USP2: variants seen among roughly 807,000 people sequenced by gnomAD.
USP2 encodes ubiquitin specific peptidase 2.
In USP2, 33 loss-of-function variants were observed where a neutral mutation model predicts 72.0. The observed-to-expected ratio is 0.46, with a 90% confidence interval of 0.35 to 0.61. The LOEUF is 0.61. USP2 is among the 20% of genes least tolerant of loss of function. The pLI is 0.01. For missense variants in USP2, 691 were observed against 797.8 expected (o/e 0.87, Z 1.61); for synonymous variants, 296 against 312.5 (o/e 0.95, Z 0.56).
chr11:119,357,397 T>C, intron 11 of USP2, 86 bp downstream of exon 11: 1 of 1,547,018 alleles, frequency 6.5e-7, no homozygotes. Flanking sequence ...CAGTAGCTGG[T>C]GCTGGCAGCT....
At position 119,360,166 on chromosome 11, in the gene USP2, A is replaced by G. The variant is rs1436360317; in HGVS notation, c.825+18T>C. 3 of 1,612,584 alleles carry G rather than the reference A, an allele frequency of 1.9e-6. No individual in the cohort carries two copies. Among genetic ancestry groups the G allele is most frequent in the Non-Finnish European group, 2.5e-6 (3 of 1,179,712 alleles). On this transcript the variant is annotated intron_variant, in intron 3 of 12. Transcript: ENST00000260187. ...TAGGGGGTGGGCCTGGGGAAGAAGC[A>G]GGCCAGGAAAAACTCACCGTGTTCC...
intron 11 of USP2, 42 bp from the exon 12 acceptor site, chr11:119,357,349 C>T: frequency 6.8e-6 from 11 of 1,611,384 alleles, no homozygotes; most frequent in Non-Finnish European, 9.3e-6. Context: ...GCCCCCCTGC[C>T]CCGACTTCCC....
At chr11:119,362,442 G>A (rs1950778734) in intron 2 of USP2, among the ~76,000 whole-genome samples, 1 of 152,086 alleles carries the variant, frequency 6.6e-6, no homozygotes, top group Non-Finnish European at 1.5e-5. Context: ...TGATGCCTTT[G>A]TCTAAAATTT....
chr11:119,364,122 G>C, intron 2 of USP2: 1 of 1,223,340 alleles, frequency 8.2e-7, no homozygotes, highest in Non-Finnish European at 1.0e-6. Context: ...CAGCGTCCGC[G>C]GCGCCCGAAC....
At chr11:119,368,348 G>A (rs1950882147) in intron 2 of USP2, among the ~76,000 whole-genome samples, 1 of 152,244 alleles carries the variant, frequency 6.6e-6, no homozygotes, top group South Asian at 2.1e-4. Context: ...CAGGGATACA[G>A]GCCAGTGTGG....
chr11:119,364,888 A>G (rs1950830759), intron 2 of USP2, among the ~76,000 whole-genome samples: 1 of 152,142 alleles, frequency 6.6e-6, no homozygotes, highest in Non-Finnish European at 1.5e-5. Context: ...CTTCTAACCA[A>G]TTACCCAGCT....
In USP2 at chr11:119,373,260, T is replaced by C. The variant is rs1950958632; in HGVS notation, c.221A>G (p.Tyr74Cys). 6.2e-7 allele frequency: 1 copy of C among 1,613,838 alleles called. No individual in the cohort carries two copies. Among genetic ancestry groups the C allele is most frequent in the Non-Finnish European group, 8.5e-7 (1 of 1,179,858 alleles). Reference sequence around the variant, plus strand: ...TCTCAGCAGGGGGCGGCCCCGGTCATAGTCCAGGAGGGAGGAGGGGCCATA... The same window carrying C: ...TCTCAGCAGGGGGCGGCCCCGGTCACAGTCCAGGAGGGAGGAGGGGCCATA... Reference protein sequence around the residue: ...RTYGPSSLLDYDRGRPLLRPD... With the variant: ...RTYGPSSLLDCDRGRPLLRPD... Residue 74 changes from tyrosine (Y) to cysteine (C), a missense_variant, in exon 2 of 13, where the codon TAT (tyrosine) becomes TGT (cysteine). Transcript: ENST00000260187.
intron 2 of USP2, among the ~76,000 whole-genome samples, chr11:119,367,755 C>G (rs1196061509): frequency 6.6e-6 from 1 of 152,218 alleles, no homozygotes; most frequent in Non-Finnish European, 1.5e-5. Flanking sequence ...GTGTCTCCGT[C>G]TGGGGCGCTA....
chr11:119,376,086 A>G (rs1950997086), intron 1 of USP2: 12 of 723,956 alleles, frequency 1.7e-5, no homozygotes, highest in Non-Finnish European at 2.0e-5. Flanking sequence ...TACAGTTCCC[A>G]TGCCTGCGGA....
intron 12 of USP2, 47 bp from the exon 13 acceptor site, chr11:119,356,969 A>AC (rs772288513): frequency 3.3e-5 from 51 of 1,537,506 alleles, no homozygotes; most frequent in Non-Finnish European, 3.9e-5. Context: ...GGACCGGGAG[A>AC]CCCCCCGCCG....
At chr11:119,366,159 T>C (rs1950850173) in intron 2 of USP2, among the ~76,000 whole-genome samples, 1 of 152,160 alleles carries the variant, frequency 6.6e-6, no homozygotes, top group South Asian at 2.1e-4. Context: ...CCTCCCAAAG[T>C]GCTGGGATTA....
intron 1 of USP2, among the ~76,000 whole-genome samples, chr11:119,374,976 A>G (rs1950982205): frequency 6.6e-6 from 1 of 152,190 alleles, no homozygotes; most frequent in Non-Finnish European, 1.5e-5. Context: ...CTCCACAATG[A>G]CAGTGGCTAC....
chr11:119,370,608 A>AAG (rs5795178), intron 2 of USP2, among the ~76,000 whole-genome samples: 135,326 of 152,030 alleles, frequency 0.89, 60,273 homozygotes, highest in East Asian at 0.95. Context: ...AAATGACGAT[A>AAG]AGGGGTGGAG....
intron 1 of USP2, among the ~76,000 whole-genome samples, chr11:119,375,884 C>T (rs1950994169): frequency 6.6e-6 from 1 of 152,186 alleles, no homozygotes; most frequent in African/African-American, 2.4e-5. Context: ...GGACAGACAG[C>T]TCTGAAAGGC....
rs961844319 is a variant in USP2 at position 119,358,224 on chromosome 11, C to T, written c.1266G>A (p.Ser422=). The T allele has an allele frequency of 1.3e-5, 21 of 1,613,426 alleles. No homozygotes were observed. Among genetic ancestry groups the T allele is most frequent in the East Asian group, 4.5e-5 (2 of 44,890 alleles). The change falls in exon 8 of 13, where the codon TCG becomes TCA. Residue 422 remains serine (S), a synonymous_variant. Transcript: ENST00000260187. ...GDLFVGQLKS[S]LTCTDCGYCS... The stretch of plus-strand genomic sequence containing the variant: ...AGTAACCACAATCTGTACACGTCAG[C>T]GAGCTCTTTAGCTGCCCAACAAAGA...
At chr11:119,370,249 C>T (rs901205301) in intron 2 of USP2, among the ~76,000 whole-genome samples, 2 of 152,210 alleles carry the variant, frequency 1.3e-5, no homozygotes, top group Non-Finnish European at 1.5e-5. Flanking sequence ...GACTGTTGCT[C>T]GCACACATCT....
Position 119,373,039 on chromosome 11 carries a change from G to T in USP2, c.442C>A (p.Arg148=). 1 of 1,613,894 alleles carries T rather than the reference G, an allele frequency of 6.2e-7. No homozygotes were observed. The highest frequency in any genetic ancestry group is 8.5e-7 in the Non-Finnish European group (1 of 1,180,034). The part of the protein sequence containing the change: ...QKLDSQSDLA[R]DFSSLRTSDS... ...GAGGTCCGGAGGCTGGAGAAATCCCGGGCCAGGTCTGATTGGCTGTCCAGC... is the reference window on the plus strand; with the variant it reads ...GAGGTCCGGAGGCTGGAGAAATCCCTGGCCAGGTCTGATTGGCTGTCCAGC... Residue 148 remains arginine (R), a synonymous_variant, in exon 2 of 13, where the codon CGG becomes AGG. Transcript: ENST00000260187.
At position 119,358,135 on chromosome 11, in the gene USP2, A is replaced by G; in HGVS notation, c.1341+14T>C. 1 of 1,614,154 alleles carries G rather than the reference A, an allele frequency of 6.2e-7. No individual in the cohort carries two copies. The highest frequency in any genetic ancestry group is 8.5e-7 in the Non-Finnish European group (1 of 1,179,976). Reference sequence around the variant, plus strand: ...GAGAGGGAGTTCAACAAGGCGGGCAACTGGGGTGCATACCTTAGCAATGGG... The same window carrying G: ...GAGAGGGAGTTCAACAAGGCGGGCAGCTGGGGTGCATACCTTAGCAATGGG... On this transcript the variant is annotated intron_variant, in intron 8 of 12. Coordinates refer to ENST00000260187, the MANE Select transcript of USP2 (RefSeq NM_004205.5).
chr11:119,373,588 C>G, intron 1 of USP2, 67 bp from the exon 2 acceptor site: 1 of 1,389,636 alleles, frequency 7.2e-7, no homozygotes, highest in Non-Finnish European at 9.5e-7. Flanking sequence ...GACCTGCTCC[C>G]CATCCTCAGC....
Sources: gnomAD v4.1 joint callset for allele counts (sites outside exome capture counted in the v4.1 genomes callset) on GRCh38, gnomAD v4.1.1 for gene constraint, MANE v1.5 for transcripts, NCBI Gene and HGNC (gene_info 2026-07-23, HGNC 2026-07-21) for gene names.